The following CDC25A variants were observed in gnomAD, a reference collection of about 807,000 sequenced individuals.
CDC25A encodes the protein cell division cycle 25A.
Under a neutral mutation model 64.6 loss-of-function variants are expected in CDC25A, and 17 were observed. The observed-to-expected ratio is 0.26, with a 90% CI of 0.18 to 0.39. The LOEUF (loss-of-function observed/expected upper bound fraction) is 0.39, where lower values mean the gene tolerates loss of function less well. Ranked by LOEUF, CDC25A falls within the 10% of genes least tolerant of loss-of-function variation. The pLI is 1.00. For missense variants in CDC25A, 473 were observed against 654.8 expected (o/e 0.72, Z 3.03); for synonymous variants, 229 against 238.6 (o/e 0.96, Z 0.37).
At chr3:48,162,464 G>C (rs1021782051) in intron 13 of CDC25A, among the ~76,000 whole-genome samples, 2 of 152,036 alleles carry the variant, frequency 1.3e-5, no homozygotes, top group Non-Finnish European at 2.9e-5. Flanking sequence ...TGAAACTCCC[G>C]AGCAAGTGAT....
Position 48,159,423 on chromosome 3 carries a change from C to T in CDC25A, c.1355G>A (p.Gly452Asp), listed in dbSNP as rs747774747. 2.5e-6 allele frequency: 4 copies of T among 1,614,000 alleles called. No homozygotes were observed. The Admixed American group carries it at 5.0e-5, about 20-fold the overall frequency. The change falls in exon 14 of 15, where the codon GGT becomes GAT. Residue 452 changes from glycine to aspartate, a missense_variant. Gly to Asp is a moderately conservative substitution (Grantham distance 94). Around this residue, in one of 2 missense-constraint regions of CDC25A, gnomAD observed 97 missense variants for 223.0 expected, o/e 0.43. Transcript: ENST00000302506. ...GTAGTGGAGTTTGGGGTATTCATTACCCAGGCGATCTCTCTCTCTCACATA... is the reference window on the plus strand; with the variant it reads ...GTAGTGGAGTTTGGGGTATTCATTATCCAGGCGATCTCTCTCTCTCACATA... Reference protein sequence around the residue: ...CRYVRERDRLGNEYPKLHYPE... With the variant: ...CRYVRERDRLDNEYPKLHYPE...
At chr3:48,166,001 A>C in intron 10 of CDC25A, 108 bp from the exon 11 acceptor site, 2 of 787,120 alleles carry the variant, frequency 2.5e-6, no homozygotes, top group Non-Finnish European at 4.3e-6. Context: ...ACAAACATTA[A>C]TGGCCAGGCA....
At chr3:48,181,789 A>C in intron 5 of CDC25A, 1 of 604,218 alleles carries the variant, frequency 1.7e-6, no homozygotes, top group South Asian at 2.1e-5. Context: ...ACCATGAAGA[A>C]TCAAAAAAAA....
In CDC25A at chr3:48,183,595, C is replaced by T. The variant is rs1254619818; in HGVS notation, c.327+205G>A. 2.0e-5 allele frequency among the ~76,000 whole-genome samples: 3 copies of T among 152,156 alleles called. No individual in the cohort carries two copies. The East Asian group carries it at 5.8e-4, about 29-fold the overall frequency. ...CCTCTGGAAGTTGAGGTGGGAGGAT[C>T]ACTTGAGCCAGGGAAGCAGAGGTTG... On this transcript the variant is annotated intron_variant, in intron 4 of 14. Coordinates refer to ENST00000302506, the MANE Select transcript of CDC25A (RefSeq NM_001789.3).
rs1339137281 is a variant in CDC25A at position 48,157,902 on chromosome 3, T to A, written c.*1043A>T. 5 of 152,598 alleles carry A rather than the reference T, an allele frequency of 3.3e-5. No homozygotes were observed. The allele number at this position is 152,598 out of a possible 1,614,324, so 9.5% of individuals were successfully genotyped here. A position where few individuals can be genotyped will look rare whatever the true frequency, so the allele number is the denominator to read the frequency against. The stretch of plus-strand genomic sequence containing the variant: ...TACTCTTTGACTCATAATATGACCA[T>A]TTTTTAAAAATTAGAAAATAAAAGC... On this transcript the variant is annotated 3_prime_UTR_variant, in exon 15 of 15. Coordinates refer to ENST00000302506, the MANE Select transcript of CDC25A (RefSeq NM_001789.3).
chr3:48,188,061 C>G lies in CDC25A; in HGVS notation c.-114G>C. On this transcript the variant is annotated 5_prime_UTR_variant, in exon 1 of 15. Coordinates refer to ENST00000302506, the MANE Select transcript of CDC25A (RefSeq NM_001789.3). Reference sequence around the variant, plus strand: ...GCGCCACCGGCGCCCGCGGGTCAAACACAAACACGACTCCGCGGTTCAGGG... The same window carrying G: ...GCGCCACCGGCGCCCGCGGGTCAAAGACAAACACGACTCCGCGGTTCAGGG... 1.1e-6 allele frequency: 1 copy of G among 910,602 alleles called. No homozygotes were observed. The highest frequency in any genetic ancestry group is 1.4e-6 in the Non-Finnish European group (1 of 692,438). 56.4% of individuals were successfully genotyped at this position (910,602 alleles called of 1,614,324 possible).
At chr3:48,165,473 G>A (rs1172900407) in intron 12 of CDC25A, among the ~76,000 whole-genome samples, 163 bp downstream of exon 12, 1 of 152,152 alleles carries the variant, frequency 6.6e-6, no homozygotes, top group East Asian at 1.9e-4. Context: ...GGGAACATTC[G>A]TTAAGAGCAC....
At position 48,158,996 on chromosome 3, in the gene CDC25A, C is replaced by T; in HGVS notation, c.1524G>A (p.Trp508Ter). The T allele has an allele frequency of 6.2e-7, 1 of 1,614,158 alleles. No individual in the cohort carries two copies. Among genetic ancestry groups the T allele is most frequent in the Non-Finnish European group, 8.5e-7 (1 of 1,180,018 alleles). The change falls in exon 15 of 15, where the codon TGG becomes TGA. Residue 508 changes from tryptophan (W) to a stop codon, truncating the protein, a stop_gained. Coordinates refer to ENST00000302506, the MANE Select transcript of CDC25A (RefSeq NM_001789.3). LOFTEE classifies it high-confidence loss of function. Reference sequence around the variant, plus strand: ...TCTCCCTCTTGCTCTTCTCCCCTGCCCAGGTCCGGCTCTTGGTGCGGAACT... The same window carrying T: ...TCTCCCTCTTGCTCTTCTCCCCTGCTCAGGTCCGGCTCTTGGTGCGGAACT... ...LKKFRTKSRT[W>*]AGEKSKREMY...
At chr3:48,167,981 T>C in intron 9 of CDC25A, 37 bp from the exon 10 acceptor site, 1 of 1,287,190 alleles carries the variant, frequency 7.8e-7, no homozygotes, top group African/African-American at 1.5e-5. Context: ...AGACAAGGGT[T>C]CTGAATGGAA....
chr3:48,176,517 ATGTG>A (rs1219755603), intron 8 of CDC25A, among the ~76,000 whole-genome samples: 3 of 110,528 alleles, frequency 2.7e-5, no homozygotes, highest in African/African-American at 6.7e-5. Context: ...TATACTGTGT[ATGTG>A]TGTGTGTGAG....
At chr3:48,187,536 G>A (rs1457039581) in intron 1 of CDC25A, among the ~76,000 whole-genome samples, 2 of 152,234 alleles carry the variant, frequency 1.3e-5, no homozygotes, top group Admixed American at 1.3e-4. Flanking sequence ...GTGAAGGTGG[G>A]CCTGGCTCGG....
At chr3:48,175,477 T>C (rs1260915712) in intron 8 of CDC25A, among the ~76,000 whole-genome samples, 1 of 152,228 alleles carries the variant, frequency 6.6e-6, no homozygotes, top group Non-Finnish European at 1.5e-5. Context: ...CCATTCATTT[T>C]CAAGTTGATG....
intron 2 of CDC25A, among the ~76,000 whole-genome samples, chr3:48,185,820 T>C (rs1032559423): frequency 3.3e-5 from 5 of 152,304 alleles, no homozygotes; most frequent in African/African-American, 9.6e-5. Context: ...TACAGCCTTA[T>C]GGAAAGTGAG....
At chr3:48,182,902 A>C (rs2032716944) in intron 5 of CDC25A, 27 bp downstream of exon 5, 1 of 1,441,420 alleles carries the variant, frequency 6.9e-7, no homozygotes, top group Non-Finnish European at 9.8e-7. Flanking sequence ...CCTCTGCCTC[A>C]GGTTAGTACA....
intron 7 of CDC25A, 112 bp downstream of exon 7, chr3:48,177,742 G>C (rs2032515750): frequency 2.4e-5 from 30 of 1,236,080 alleles, no homozygotes; most frequent in Non-Finnish European, 3.5e-5. Context: ...AAAAATATCA[G>C]CTAAGCAAGC....
intron 9 of CDC25A, among the ~76,000 whole-genome samples, chr3:48,171,572 G>A (rs1370798015): frequency 2.0e-5 from 3 of 151,422 alleles, no homozygotes; most frequent in Non-Finnish European, 4.4e-5. Context: ...GTAGAGACAG[G>A]GTTTCACCAT....
chr3:48,164,515 T>C, intron 12 of CDC25A, 78 bp from the exon 13 acceptor site: 2 of 1,316,556 alleles, frequency 1.5e-6, no homozygotes, highest in Non-Finnish European at 2.0e-6. Context: ...TAATGATTCA[T>C]CAAGAGTGAT....
At chr3:48,164,967 G>A (rs1200354393) in intron 12 of CDC25A, among the ~76,000 whole-genome samples, 6 of 151,246 alleles carry the variant, frequency 4.0e-5, no homozygotes, top group African/African-American at 7.3e-5. Flanking sequence ...AAAATTAGCC[G>A]GGCGTGGCAG....
At position 48,177,207 on chromosome 3, in the gene CDC25A, T is replaced by C. The variant is rs57227857; in HGVS notation, c.756+164A>G. On this transcript the variant is annotated intron_variant, in intron 8 of 14. Transcript: ENST00000302506. Reference sequence around the variant, plus strand: ...ACATCAGGAGACATGCAGAGAGATATCATGACTAAAGGTCATAATTTGTAG... The same window carrying C: ...ACATCAGGAGACATGCAGAGAGATACCATGACTAAAGGTCATAATTTGTAG... Among the ~76,000 whole-genome samples the C allele has an allele frequency of 0.021, 3,144 of 152,216 alleles. 98 individuals carry two copies. Among genetic ancestry groups the C allele is most frequent in the African/African-American group, 0.069 (2,847 of 41,524 alleles).
Sources: allele counts gnomAD v4.1 joint callset (sites outside exome capture counted in the v4.1 genomes callset), GRCh38; gene constraint gnomAD v4.1.1; regional missense constraint gnomAD v4.1.1; transcripts MANE v1.5; gene names NCBI Gene and HGNC (gene_info 2026-07-23, HGNC 2026-07-21).